SYNE2: variants seen among roughly 807,000 people sequenced by gnomAD.
SYNE2 encodes nesprin-2.
In SYNE2, 431 loss-of-function variants were observed where a neutral mutation model predicts 856.3. The ratio of observed to expected loss-of-function variants is 0.50; its 90% CI spans 0.47 to 0.55. The LOEUF (loss-of-function observed/expected upper bound fraction) is 0.55, where lower values mean the gene tolerates loss of function less well. SYNE2 is among the 20% of genes least tolerant of loss of function. The pLI is 0.00. For missense variants in SYNE2, 8,129 were observed against 8,023.2 expected, an observed-to-expected ratio of 1.01 and a Z score of -0.50; for synonymous variants, 2,923 against 2,872.3, an observed-to-expected ratio of 1.02 and a Z score of -0.56.
intron 49 of SYNE2, among the ~76,000 whole-genome samples, chr14:64,061,677 T>C (rs918387564): frequency 6.6e-6 from 1 of 152,262 alleles, no homozygotes; most frequent in African/African-American, 2.4e-5. Context: ...AAAATGCTTA[T>C]TTAAGCCTTA....
At position 64,137,969 on chromosome 14, in the gene SYNE2, C is replaced by A; in HGVS notation, c.14829C>A (p.Leu4943=). The A allele has an allele frequency of 1.2e-6, 2 of 1,613,830 alleles. No individual in the cohort carries two copies. The highest frequency in any genetic ancestry group is 1.7e-6 in the Non-Finnish European group (2 of 1,179,872). Residue 4943 remains leucine (L), a synonymous_variant, in exon 79 of 116, where the codon CTC becomes CTA. Transcript: ENST00000555002. ...AGCTCCACAGGCTGCAAGCTCTTCT[C>A]AAGCATCTGCTCAGGTCAGCCTTTT... ...DHELHRLQAL[L]KHLLSYNRDS...
chr14:64,184,360 G>GTA (rs2098478076), intron 96 of SYNE2, among the ~76,000 whole-genome samples: 1 of 151,672 alleles, frequency 6.6e-6, no homozygotes, highest in Non-Finnish European at 1.5e-5. Context: ...GTGTGTGTGT[G>GTA]TGTATGTGTA....
At chr14:63,960,993 G>T in intron 8 of SYNE2, 1 of 510,964 alleles carries the variant, frequency 2.0e-6, no homozygotes, top group South Asian at 3.0e-5. Flanking sequence ...AGCCTGGCCT[G>T]TAGAAGGCTT....
intron 85 of SYNE2, among the ~76,000 whole-genome samples, chr14:64,154,792 C>CA (rs34020154): frequency 0.043 from 3,909 of 90,870 alleles, 83 homozygotes; most frequent in African/African-American, 0.073. Flanking sequence ...GACCCTGTCT[C>CA]AAAAAAAAAA....
At chr14:64,010,622 T>G (rs1040840650) in intron 32 of SYNE2, among the ~76,000 whole-genome samples, 2 of 152,102 alleles carry the variant, frequency 1.3e-5, no homozygotes, top group African/African-American at 2.4e-5. Context: ...TTTTCTATGG[T>G]TTTATGTGGT....
In SYNE2 at chr14:63,967,758, T is replaced by C; in HGVS notation, c.1040T>C (p.Leu347Ser). 1 of 1,614,148 alleles carries C rather than the reference T, an allele frequency of 6.2e-7. No individual in the cohort carries two copies. Residue 347 changes from leucine (L) to serine (S), a missense_variant, in exon 11 of 116, where the codon TTG becomes TCG. Physicochemically the swap from Leu to Ser is moderately radical, Grantham distance 145. This residue lies in a region of SYNE2 where 2,422 missense variants were observed against 2,357.4 expected (regional missense o/e 1.03). Coordinates refer to ENST00000555002, the MANE Select transcript of SYNE2 (RefSeq NM_182914.3). ...ESFNEEKKSF[L>S]DVLSIKRDLD... The stretch of plus-strand genomic sequence containing the variant: ...TTCAATGAAGAAAAAAAGTCCTTTT[T>C]GGATGTCCTGTCAATAAAACGGGAT...
intron 37 of SYNE2, 150 bp from the exon 38 acceptor site, chr14:64,022,601 A>G (rs940356197): frequency 9.4e-5 from 64 of 677,898 alleles, no homozygotes; most frequent in Non-Finnish European, 1.7e-4. Flanking sequence ...TCTAGGCTTT[A>G]TTAGCCCTCA....
rs771213674 is a variant in SYNE2, at chr14:64,093,574, A to G, written c.12108+94A>G. The stretch of plus-strand genomic sequence containing the variant: ...GCCTTTGGTGTCTAGGAGCCTTTCT[A>G]GTGGTGCAGTGTAACACCTGTTTCT... On this transcript the variant is annotated intron_variant, in intron 61 of 115. Transcript: ENST00000555002. 5.9e-4 allele frequency: 808 copies of G among 1,373,140 alleles called. 3 individuals carry two copies. Among genetic ancestry groups the G allele is most frequent in the Middle Eastern group, 1.7e-3 (9 of 5,264 alleles). 85.1% of individuals were successfully genotyped at this position (1,373,140 alleles called of 1,614,324 possible). A position where few individuals can be genotyped will look rare whatever the true frequency, so the allele number is the denominator to read the frequency against.
chr14:64,202,264 C>T (rs1007595118), intron 99 of SYNE2: 37 of 702,212 alleles, frequency 5.3e-5, no homozygotes, highest in Admixed American at 4.8e-4. Context: ...CATACTGAAG[C>T]GGTAGGGCTT....
At position 64,182,136 on chromosome 14, in the gene SYNE2, C is replaced by T. The variant is rs111672935; in HGVS notation, c.17557-4288C>T. On this transcript the variant is annotated intron_variant, in intron 96 of 115. Coordinates refer to ENST00000555002, the MANE Select transcript of SYNE2 (RefSeq NM_182914.3). ...ACAGTTCCACTGGTAATTGAGTCCA[C>T]AGGCAAGGCTTAGATGCTGTCCTGA... Among the ~76,000 whole-genome samples the T allele has an allele frequency of 9.7e-3, 1,478 of 152,288 alleles. 24 individuals are homozygous for T. Among genetic ancestry groups the T allele is most frequent in the African/African-American group, 0.033 (1,351 of 41,550 alleles).
chr14:64,215,180 A>AG lies in SYNE2; in HGVS notation c.19334-103dup, dbSNP rs1294015464. On this transcript the variant is annotated intron_variant, in intron 106 of 115. Transcript: ENST00000555002. ...AAAATCCTTTTAATTAAAAAAATAA[A>AG]GGGTAGTTTTCTCCTTCCAGCTGAC... 4.2e-5 allele frequency: 44 copies of AG among 1,040,668 alleles called. No homozygotes were observed. In the East Asian group the frequency reaches 1.0e-3, roughly 25 times the overall value. 64.5% of individuals were successfully genotyped at this position (1,040,668 alleles called of 1,614,324 possible).
rs2096903384 is a variant in SYNE2 at position 64,017,615 on chromosome 14, TTAC to T, written c.4911_4913del (p.Tyr1638del). Reference sequence around the variant, plus strand: ...GGTAGATAAATGAGAAGACAGAAGATTACTATGAAAATCTTGGTCGAGCTCTAG... The same window carrying T: ...GGTAGATAAATGAGAAGACAGAAGATTATGAAAATCTTGGTCGAGCTCTAG... On this transcript the variant is annotated inframe_deletion, in exon 34 of 116. Transcript: ENST00000555002. The T allele has an allele frequency of 6.2e-7, 1 of 1,612,652 alleles. No homozygotes were observed. The highest frequency in any genetic ancestry group is 1.3e-5 in the African/African-American group (1 of 74,856).
intron 6 of SYNE2, among the ~76,000 whole-genome samples, chr14:63,944,315 TAAATG>T (rs2095981581): frequency 1.4e-5 from 2 of 147,914 alleles, no homozygotes; most frequent in South Asian, 4.2e-4. Context: ...TATAAATAAA[TAAATG>T]GAGGCATGAT....
intron 8 of SYNE2, among the ~76,000 whole-genome samples, chr14:63,957,385 C>T (rs2096254409): frequency 6.6e-6 from 1 of 151,422 alleles, no homozygotes; most frequent in African/African-American, 2.4e-5. Context: ...TCTCCTGCCT[C>T]AGCCTCCTGA....
In SYNE2 at chr14:63,949,996, C is replaced by G; in HGVS notation, c.580C>G (p.Gln194Glu). The stretch of plus-strand genomic sequence containing the variant: ...GGCCCTTCTTTTGTGGGCTCAGGAA[C>G]AATGCGCCACGTAAGTAGTTTGCTA... ...RKALLLWAQE[Q>E]CATYESVNVT... Residue 194 changes from glutamine to glutamate, a missense_variant, in exon 7 of 116, where the codon CAA becomes GAA. Coordinates refer to ENST00000555002, the MANE Select transcript of SYNE2 (RefSeq NM_182914.3). The G allele has an allele frequency of 6.2e-7, 1 of 1,614,090 alleles. No individual in the cohort carries two copies. The highest frequency in any genetic ancestry group is 8.5e-7 in the Non-Finnish European group (1 of 1,180,000).
chr14:64,223,127 C>G, intron 112 of SYNE2, 62 bp from the exon 113 acceptor site: 1 of 1,590,118 alleles, frequency 6.3e-7, no homozygotes, highest in African/African-American at 1.3e-5. Context: ...GAAAAACCTC[C>G]TGTGTCCACA....
chr14:64,021,035 C>T (rs149718020), intron 35 of SYNE2, among the ~76,000 whole-genome samples: 108 of 152,066 alleles, frequency 7.1e-4, no homozygotes, highest in Middle Eastern at 3.4e-3. Flanking sequence ...TGAGACAGCA[C>T]CTTAGTTGGT....
intron 7 of SYNE2, among the ~76,000 whole-genome samples, chr14:63,953,976 C>T (rs1375856313): frequency 1.3e-5 from 2 of 152,010 alleles, no homozygotes; most frequent in East Asian, 1.9e-4. Flanking sequence ...TGCAGTGGTG[C>T]GATTGTAGCT....
intron 1 of SYNE2, among the ~76,000 whole-genome samples, chr14:63,808,241 CT>C (rs34300725): frequency 0.63 from 95,667 of 151,154 alleles, 30,759 homozygotes; most frequent in South Asian, 0.77. Flanking sequence ...TTTTCCTTAT[CT>C]TTTAAGAAAT....
Sources: allele counts gnomAD v4.1 joint callset (sites outside exome capture counted in the v4.1 genomes callset), GRCh38; gene constraint gnomAD v4.1.1; regional missense constraint gnomAD v4.1.1; transcripts MANE v1.5; gene names NCBI Gene and HGNC (gene_info 2026-07-23, HGNC 2026-07-21).